The following CDC5L variants were observed in gnomAD, a reference collection of about 807,000 sequenced individuals.
The protein encoded by CDC5L is cell division cycle 5 like.
Under a neutral mutation model 104.1 loss-of-function variants are expected in CDC5L, and 18 were observed. The ratio of observed to expected loss-of-function variants is 0.17; its 90% CI spans 0.12 to 0.26. The LOEUF (loss-of-function observed/expected upper bound fraction) is 0.26. Ranked by LOEUF, CDC5L falls within the 10% of genes least tolerant of loss-of-function variation. The pLI is 1.00. For missense variants in CDC5L, 673 were observed against 956.9 expected, an observed-to-expected ratio of 0.70 and a Z score of 3.91; for synonymous variants, 331 against 322.7, an observed-to-expected ratio of 1.03 and a Z score of -0.28.
rs1791367590 is a variant in CDC5L, at chr6:44,406,473, C to G, written c.903+6C>G. 2.5e-6 allele frequency: 4 copies of G among 1,596,370 alleles called. No individual in the cohort carries two copies. In the South Asian group the frequency reaches 3.5e-5, roughly 14 times the overall value. On this transcript the variant is annotated splice_donor_region_variant and intron_variant, in intron 7 of 15. Coordinates refer to ENST00000371477, the MANE Select transcript of CDC5L (RefSeq NM_001253.4). ...TAGTACTTCCTGCCCCTCAGGTAATCTGATAAAAGCAAATTTTTCACTATG... is the reference window on the plus strand; with the variant it reads ...TAGTACTTCCTGCCCCTCAGGTAATGTGATAAAAGCAAATTTTTCACTATG...
rs761062119 is a variant in CDC5L, at chr6:44,419,612, C to T, written c.1241+15C>T. 9 of 1,602,514 alleles carry T rather than the reference C, an allele frequency of 5.6e-6. No homozygotes were observed. The highest frequency in any genetic ancestry group is 7.7e-6 in the Non-Finnish European group (9 of 1,170,594). On this transcript the variant is annotated intron_variant, in intron 9 of 15. Coordinates refer to ENST00000371477, the MANE Select transcript of CDC5L (RefSeq NM_001253.4). ...ACTCCATTCAGGTATTGTAAATGAA[C>T]ACGTTTTTATTTTAGAAAAACTTGA...
intron 8 of CDC5L, among the ~76,000 whole-genome samples, chr6:44,410,443 T>A (rs1200347422): frequency 2.6e-5 from 4 of 152,260 alleles, no homozygotes; most frequent in Non-Finnish European, 5.9e-5. Flanking sequence ...CACATATTTT[T>A]AAATTCATTT....
At position 44,429,693 on chromosome 6, in the gene CDC5L, G is replaced by T; in HGVS notation, c.1894-20G>T. 1 of 1,607,582 alleles carries T rather than the reference G, an allele frequency of 6.2e-7. No homozygotes were observed. Among genetic ancestry groups the T allele is most frequent in the Admixed American group, 1.7e-5 (1 of 59,792 alleles). The stretch of plus-strand genomic sequence containing the variant: ...AGTGTTTGTAGTACTTAAACTTATT[G>T]AAATTATTATTGTAAACAGGCCCAG... On this transcript the variant is annotated intron_variant, in intron 13 of 15. Coordinates refer to ENST00000371477, the MANE Select transcript of CDC5L (RefSeq NM_001253.4).
At chr6:44,390,587 C>G (rs1056692660) in intron 2 of CDC5L, among the ~76,000 whole-genome samples, 3 of 152,166 alleles carry the variant, frequency 2.0e-5, no homozygotes, top group Admixed American at 6.5e-5. Flanking sequence ...CCCTTGTTTT[C>G]TCCCAATTAG....
intron 14 of CDC5L, among the ~76,000 whole-genome samples, chr6:44,441,343 A>C (rs1410215103): frequency 6.6e-6 from 1 of 152,224 alleles, no homozygotes; most frequent in African/African-American, 2.4e-5. Context: ...AAGACTGAAT[A>C]GTATTCCGTT....
intron 14 of CDC5L, among the ~76,000 whole-genome samples, chr6:44,444,274 G>A (rs944913007): frequency 6.6e-6 from 1 of 152,210 alleles, no homozygotes; most frequent in Non-Finnish European, 1.5e-5. Context: ...GGAGATATCT[G>A]CTGGAAGTGG....
intron 6 of CDC5L, 80 bp from the exon 7 acceptor site, chr6:44,406,243 G>A (rs576384823): frequency 2.4e-5 from 25 of 1,055,416 alleles, no homozygotes; most frequent in East Asian, 1.7e-4. Context: ...TTGTTCAAAG[G>A]GTTTGAGTAT....
At chr6:44,428,780 G>A (rs959982807) in intron 13 of CDC5L, among the ~76,000 whole-genome samples, 25 of 151,988 alleles carry the variant, frequency 1.6e-4, no homozygotes, top group African/African-American at 5.1e-4. Flanking sequence ...CATCTAATTC[G>A]TGCCCCAGTC....
intron 8 of CDC5L, 58 bp downstream of exon 8, chr6:44,408,690 C>A: frequency 7.7e-7 from 1 of 1,300,880 alleles, no homozygotes; most frequent in Non-Finnish European, 1.1e-6. Flanking sequence ...TTAGAAGTAT[C>A]ATGCAGGAGA....
chr6:44,408,717 G>A (rs577127953), intron 8 of CDC5L, 85 bp downstream of exon 8: 2 of 1,022,008 alleles, frequency 2.0e-6, no homozygotes, highest in East Asian at 2.6e-5. Flanking sequence ...CGGTTTGGTT[G>A]TGTTTCTTTT....
At position 44,403,855 on chromosome 6, in the gene CDC5L, A is replaced by T; in HGVS notation, c.586A>T (p.Ile196Leu). ...QKRRELRAAG[I>L]EIQKKRKRKR... ...AAGAAGAGAACTTCGAGCAGCTGGC[A>T]TAGAAATTCAGAAGAAAAGAAAAAG... The change falls in exon 6 of 16, where the codon ATA (isoleucine) becomes TTA (leucine). Residue 196 changes from isoleucine (I) to leucine (L), a missense_variant. By Grantham distance (5) the Ile-to-Leu change is conservative. Transcript: ENST00000371477. The T allele has an allele frequency of 1.2e-6, 2 of 1,613,020 alleles. No homozygotes were observed. The highest frequency in any genetic ancestry group is 1.7e-6 in the Non-Finnish European group (2 of 1,179,774).
chr6:44,413,752 T>G (rs1791770638), intron 8 of CDC5L, among the ~76,000 whole-genome samples: 1 of 151,994 alleles, frequency 6.6e-6, no homozygotes, highest in Non-Finnish European at 1.5e-5. Context: ...CCCAATTAAT[T>G]TTCTAATTTT....
At chr6:44,438,058 C>T (rs1793015226) in intron 14 of CDC5L, among the ~76,000 whole-genome samples, 2 of 152,138 alleles carry the variant, frequency 1.3e-5, no homozygotes, top group African/African-American at 4.8e-5. Context: ...TTGGGTGATT[C>T]CCGCCTCAGT....
chr6:44,443,538 C>G (rs1471213568), intron 14 of CDC5L, among the ~76,000 whole-genome samples: 2 of 151,138 alleles, frequency 1.3e-5, no homozygotes, highest in Non-Finnish European at 2.9e-5. Flanking sequence ...ATTATTTTTT[C>G]TTTTTGCTCC....
chr6:44,429,420 A>T (rs993649807), intron 13 of CDC5L, among the ~76,000 whole-genome samples: 6 of 152,214 alleles, frequency 3.9e-5, no homozygotes, highest in Non-Finnish European at 7.3e-5. Flanking sequence ...CTAGTTTCTC[A>T]CACACACAAT....
chr6:44,435,268 A>C (rs935536463), intron 14 of CDC5L, among the ~76,000 whole-genome samples: 1 of 151,726 alleles, frequency 6.6e-6, no homozygotes, highest in African/African-American at 2.4e-5. Context: ...TTTCTGTATA[A>C]TTTTTTTGAG....
At chr6:44,393,094 G>A (rs189245218) in intron 3 of CDC5L, among the ~76,000 whole-genome samples, 19 of 149,370 alleles carry the variant, frequency 1.3e-4, no homozygotes, top group African/African-American at 4.2e-4. Context: ...TAGTAAAAGA[G>A]CAAATAAAAG....
At chr6:44,416,564 C>A (rs1278610621) in intron 8 of CDC5L, among the ~76,000 whole-genome samples, 1 of 152,216 alleles carries the variant, frequency 6.6e-6, no homozygotes, top group East Asian at 1.9e-4. Flanking sequence ...CCTTCTGCCT[C>A]TACCTCTGTT....
At chr6:44,393,164 G>GTTT (rs773786751) in intron 3 of CDC5L, among the ~76,000 whole-genome samples, 5 of 107,232 alleles carry the variant, frequency 4.7e-5, no homozygotes, top group Admixed American at 2.1e-4. Context: ...TTTACTAATA[G>GTTT]TTTTTTTTTT....
Sources: allele counts gnomAD v4.1 joint callset (sites outside exome capture counted in the v4.1 genomes callset), GRCh38; gene constraint gnomAD v4.1.1; transcripts MANE v1.5; gene names NCBI Gene and HGNC (gene_info 2026-07-23, HGNC 2026-07-21).